MTHFD1L: variants seen among roughly 807,000 people sequenced by gnomAD.
MTHFD1L encodes the protein methylenetetrahydrofolate dehydrogenase (NADP+ dependent) 1 like.
A neutral mutation model predicts 119.5 loss-of-function variants in MTHFD1L; 81 were observed. That is an observed-to-expected ratio of 0.68 (90% CI 0.57 to 0.82). The LOEUF (loss-of-function observed/expected upper bound fraction) is 0.82, where lower values mean the gene tolerates loss of function less well. Among genes scored for constraint, MTHFD1L ranks in the 40% least tolerant of loss-of-function variants. MTHFD1L has a pLI of 0.00. For missense variants in MTHFD1L, 1,125 were observed against 1,253.4 expected (o/e 0.90, Z 1.55); for synonymous variants, 430 against 475.2 (o/e 0.90, Z 1.24).
At position 150,926,042 on chromosome 6, in the gene MTHFD1L, A is replaced by G; in HGVS notation, c.1083-80A>G. 8.0e-7 allele frequency: 1 copy of G among 1,246,488 alleles called. No individual in the cohort carries two copies. Among genetic ancestry groups the G allele is most frequent in the Non-Finnish European group, 1.1e-6 (1 of 893,566 alleles). The allele number at this position is 1,246,488 out of a possible 1,614,324, so 77.2% of individuals were successfully genotyped here. On this transcript the variant is annotated intron_variant, in intron 10 of 27. Coordinates refer to ENST00000367321, the MANE Select transcript of MTHFD1L (RefSeq NM_015440.5). This position sits in a 1 kb window ranked among gnomAD's most constrained non-coding sequence, Gnocchi z 4.3. ...TTGCATTGATTTCATCGTTGGCGTG[A>G]TGTGTGGCTGTTTTCACTCCAGTTG...
chr6:151,045,111 C>T (rs549276052), intron 26 of MTHFD1L, among the ~76,000 whole-genome samples: 66 of 152,244 alleles, frequency 4.3e-4, no homozygotes, highest in African/African-American at 1.6e-3. Context: ...TAGGGATGCA[C>T]GGTTGGTTAT....
intron 18 of MTHFD1L, among the ~76,000 whole-genome samples, chr6:150,960,768 A>C (rs1038674949): frequency 3.3e-5 from 5 of 152,168 alleles, no homozygotes; most frequent in Admixed American, 1.3e-4. Flanking sequence ...CCTGCCTGAA[A>C]TTGAGGGCAA....
At chr6:150,866,241 C>G (rs1472173883) in intron 1 of MTHFD1L, 192 bp downstream of exon 1, 2 of 1,397,362 alleles carry the variant, frequency 1.4e-6, no homozygotes, top group African/African-American at 3.0e-5. Context: ...TGGCGGAGAA[C>G]GGGGGATCCA....
At chr6:151,066,225 A>G (rs921986818) in intron 26 of MTHFD1L, among the ~76,000 whole-genome samples, 20 of 151,790 alleles carry the variant, frequency 1.3e-4, no homozygotes, top group Non-Finnish European at 2.9e-4. Flanking sequence ...TCATGAGGTC[A>G]GAAGATTGAG....
intron 1 of MTHFD1L, among the ~76,000 whole-genome samples, chr6:150,871,091 A>G (rs1779390299): frequency 6.9e-6 from 1 of 144,974 alleles, no homozygotes; most frequent in African/African-American, 2.5e-5. Flanking sequence ...ATATATATAC[A>G]CACCTTAATA....
chr6:150,999,389 G>A (rs1247052819), intron 20 of MTHFD1L, among the ~76,000 whole-genome samples: 1 of 152,148 alleles, frequency 6.6e-6, no homozygotes, highest in East Asian at 1.9e-4. Context: ...GGAGTTGCAA[G>A]AATAGAGCTC....
intron 26 of MTHFD1L, among the ~76,000 whole-genome samples, chr6:151,081,065 TC>T (rs1302530082): frequency 1.3e-5 from 2 of 152,298 alleles, no homozygotes; most frequent in African/African-American, 4.8e-5. Flanking sequence ...TGCAGTTCAG[TC>T]CATTATATAC....
chr6:150,949,100 G>T lies in MTHFD1L; in HGVS notation c.1693G>T (p.Asp565Tyr). 6.2e-7 allele frequency: 1 copy of T among 1,613,972 alleles called. No individual in the cohort carries two copies. The highest frequency in any genetic ancestry group is 2.2e-5 in the East Asian group (1 of 44,876). Residue 565 changes from aspartate to tyrosine, a missense_variant, in exon 16 of 28, where the codon GAC (aspartate) becomes TAC (tyrosine). Around this residue, in one of 3 missense-constraint regions of MTHFD1L, gnomAD observed 1,058 missense variants for 1,151.2 expected, o/e 0.92. Coordinates refer to ENST00000367321, the MANE Select transcript of MTHFD1L (RefSeq NM_015440.5). Reference sequence around the variant, plus strand: ...GGAAGTGAGTAAATTTGCCCGTCTCGACATCGACCCATCTACCATCACGTG... The same window carrying T: ...GGAAGTGAGTAAATTTGCCCGTCTCTACATCGACCCATCTACCATCACGTG... ...EEEVSKFARL[D>Y]IDPSTITWQR... is the part of the protein sequence containing the mutation.
intron 24 of MTHFD1L, among the ~76,000 whole-genome samples, chr6:151,018,627 C>G (rs1053102141): frequency 2.6e-5 from 4 of 152,286 alleles, no homozygotes; most frequent in Non-Finnish European, 4.4e-5. Context: ...TCACCCTGCT[C>G]TGTTCTTCAG....
At chr6:151,044,560 C>G (rs1435063520) in intron 26 of MTHFD1L, among the ~76,000 whole-genome samples, 1 of 152,040 alleles carries the variant, frequency 6.6e-6, no homozygotes, top group African/African-American at 2.4e-5. Context: ...CTCAGCCTCC[C>G]AAAGTGCTGG....
At chr6:150,921,987 G>C (rs1022620547) in intron 9 of MTHFD1L, among the ~76,000 whole-genome samples, 1 of 152,170 alleles carries the variant, frequency 6.6e-6, no homozygotes. Flanking sequence ...ATATTGAATA[G>C]TTGTATATCT....
intron 20 of MTHFD1L, among the ~76,000 whole-genome samples, chr6:150,993,469 G>C (rs1449664029): frequency 6.6e-6 from 1 of 151,876 alleles, no homozygotes; most frequent in African/African-American, 2.4e-5. Context: ...ACACCACCAC[G>C]TCCAGCTAAT....
At chr6:151,005,209 C>G (rs928078073) in intron 20 of MTHFD1L, among the ~76,000 whole-genome samples, 6 of 152,060 alleles carry the variant, frequency 3.9e-5, no homozygotes, top group African/African-American at 1.5e-4. Context: ...CGAGATGGGT[C>G]TTCATATCAA....
chr6:150,996,830 T>G (rs1779867253), intron 20 of MTHFD1L, among the ~76,000 whole-genome samples: 1 of 152,180 alleles, frequency 6.6e-6, no homozygotes, highest in South Asian at 2.1e-4. Flanking sequence ...GTTCCTCTGA[T>G]GGCAGAGGCC....
In MTHFD1L at chr6:150,981,236, C is replaced by T. The variant is rs75671677; in HGVS notation, c.2125+9178C>T. Among the ~76,000 whole-genome samples, 1,212 of 152,256 alleles carry T rather than the reference C, an allele frequency of 8.0e-3. 19 individuals are homozygous for T. Among genetic ancestry groups the T allele is most frequent in the African/African-American group, 0.027 (1,136 of 41,542 alleles). ...TTCCTGTTCCACGTTGATTTTCACA[C>T]GATTTTTGCATTTTGCTGCGGTACC... On this transcript the variant is annotated intron_variant, in intron 20 of 27. Coordinates refer to ENST00000367321, the MANE Select transcript of MTHFD1L (RefSeq NM_015440.5).
rs1047676993 is a variant in MTHFD1L at position 150,986,917 on chromosome 6, G to A, written c.2125+14859G>A. On this transcript the variant is annotated intron_variant, in intron 20 of 27. Transcript: ENST00000367321. Reference sequence around the variant, plus strand: ...GAGTTTCACCATGTTGGCCAGGCTGGTCTCGAACTCCTGACCTCAAGTGAT... The same window carrying A: ...GAGTTTCACCATGTTGGCCAGGCTGATCTCGAACTCCTGACCTCAAGTGAT... 5.3e-5 allele frequency among the ~76,000 whole-genome samples: 8 copies of A among 152,228 alleles called. No homozygotes were observed. In the East Asian group the frequency reaches 1.4e-3, roughly 26 times the overall value.
chr6:151,054,351 C>G (rs1192358891), intron 26 of MTHFD1L, among the ~76,000 whole-genome samples: 1 of 152,132 alleles, frequency 6.6e-6, no homozygotes, highest in East Asian at 1.9e-4. Flanking sequence ...GTTAATGGTA[C>G]AGGGACACCA....
At chr6:151,085,419 A>C (rs1480066720) in intron 26 of MTHFD1L, among the ~76,000 whole-genome samples, 1 of 152,208 alleles carries the variant, frequency 6.6e-6, no homozygotes, top group Non-Finnish European at 1.5e-5. Context: ...ACGTCTTAGA[A>C]AGTCATAAGT....
At chr6:150,979,381 T>A (rs546196236) in intron 20 of MTHFD1L, among the ~76,000 whole-genome samples, 4 of 152,368 alleles carry the variant, frequency 2.6e-5, no homozygotes, top group Non-Finnish European at 5.9e-5. Context: ...TTCTTTTCTG[T>A]GTTCTACTTT....
Sources: gnomAD v4.1 joint callset for allele counts (sites outside exome capture counted in the v4.1 genomes callset) on GRCh38, gnomAD v4.1.1 for gene constraint, gnomAD v4.1.1 regional missense constraint, Gnocchi (gnomAD v3.1) non-coding constraint, MANE v1.5 for transcripts, NCBI Gene and HGNC (gene_info 2026-07-23, HGNC 2026-07-21) for gene names.